Variants in FSTL5 observed in about 807,000 individuals in gnomAD.
FSTL5 encodes follistatin like 5.
A neutral mutation model predicts 89.1 loss-of-function variants in FSTL5; 62 were observed. That is an observed-to-expected ratio of 0.70 (90% CI 0.57 to 0.86). The LOEUF is 0.86. Ranked by LOEUF, FSTL5 falls within the 40% of genes least tolerant of loss-of-function variation. FSTL5 has a pLI of 0.00. For synonymous variants in FSTL5, 383 were observed against 346.2 expected (o/e 1.11, Z -1.18); for missense variants, 1,057 against 1,001.6 (o/e 1.06, Z -0.75).
chr4:161,792,266 C>A (rs1473323127), intron 4 of FSTL5, among the ~76,000 whole-genome samples: 1 of 152,094 alleles, frequency 6.6e-6, no homozygotes, highest in East Asian at 1.9e-4. Context: ...GGGCTTTGGA[C>A]AACAACAAGC....
At chr4:161,741,443 A>T (rs983123558) in intron 6 of FSTL5, among the ~76,000 whole-genome samples, 20 of 152,106 alleles carry the variant, frequency 1.3e-4, no homozygotes, top group Admixed American at 5.2e-4. Flanking sequence ...TGGCCTCTAG[A>T]AGCTGAACGC....
At chr4:161,783,756 C>T (rs1342350192) in intron 4 of FSTL5, among the ~76,000 whole-genome samples, 1 of 113,296 alleles carries the variant, frequency 8.8e-6, no homozygotes, top group Non-Finnish European at 1.8e-5. Context: ...TTCTTTCTTT[C>T]TTTCCTTCTT....
At chr4:162,009,977 T>C (rs1736714393) in intron 3 of FSTL5, among the ~76,000 whole-genome samples, 2 of 140,588 alleles carry the variant, frequency 1.4e-5, no homozygotes, top group Non-Finnish European at 3.2e-5. Context: ...TTGTTTGTTT[T>C]GTAAAAAAAA....
At chr4:161,900,341 T>C (rs1260652156) in intron 4 of FSTL5, among the ~76,000 whole-genome samples, 2 of 151,972 alleles carry the variant, frequency 1.3e-5, no homozygotes, top group Non-Finnish European at 2.9e-5. Flanking sequence ...AAGGAAGTGG[T>C]TAGTAACTCG....
intron 15 of FSTL5, among the ~76,000 whole-genome samples, chr4:161,420,781 T>G (rs1016923713): frequency 6.6e-6 from 1 of 150,626 alleles, no homozygotes; most frequent in Non-Finnish European, 1.5e-5. Context: ...GCATATATAT[T>G]TTCATGTATT....
intron 7 of FSTL5, among the ~76,000 whole-genome samples, chr4:161,654,371 A>G (rs1170627006): frequency 6.6e-6 from 1 of 152,174 alleles, no homozygotes; most frequent in Admixed American, 6.6e-5. Context: ...TGGCAGTAAA[A>G]AAAAGAAAAG....
intron 4 of FSTL5, among the ~76,000 whole-genome samples, chr4:161,813,216 A>G (rs1446697790): frequency 6.6e-6 from 1 of 152,016 alleles, no homozygotes; most frequent in Admixed American, 6.6e-5. Context: ...TTTTTAGTAC[A>G]GACGGGGTTT....
intron 13 of FSTL5, 49 bp downstream of exon 13, chr4:161,480,971 T>A (rs1452854949): frequency 7.7e-7 from 1 of 1,291,378 alleles, no homozygotes; most frequent in African/African-American, 1.5e-5. Flanking sequence ...TACAATGATA[T>A]AAATATTTTT....
intron 1 of FSTL5, among the ~76,000 whole-genome samples, chr4:162,159,326 T>C (rs1252635000): frequency 2.0e-5 from 3 of 152,216 alleles, no homozygotes; most frequent in South Asian, 4.1e-4. Context: ...TAAGTTTCTC[T>C]ATTACAATGT....
chr4:161,899,185 A>G (rs1225099002), intron 4 of FSTL5, among the ~76,000 whole-genome samples: 2 of 152,174 alleles, frequency 1.3e-5, no homozygotes, highest in East Asian at 3.9e-4. Flanking sequence ...TTTGTTTGAA[A>G]AAGAAGTTTT....
At chr4:161,570,890 C>T (rs932109975) in intron 8 of FSTL5, among the ~76,000 whole-genome samples, 4 of 151,936 alleles carry the variant, frequency 2.6e-5, no homozygotes, top group Admixed American at 1.3e-4. Context: ...CTGAGGCAGA[C>T]GGATCACGAG....
intron 4 of FSTL5, among the ~76,000 whole-genome samples, chr4:161,840,888 G>T (rs547579644): frequency 6.6e-6 from 1 of 152,152 alleles, no homozygotes; most frequent in Non-Finnish European, 1.5e-5. Context: ...GAAATCAAAG[G>T]AGGAGGGAGA....
At chr4:161,643,491 T>C (rs1005637778) in intron 7 of FSTL5, among the ~76,000 whole-genome samples, 1 of 152,164 alleles carries the variant, frequency 6.6e-6, no homozygotes, top group Non-Finnish European at 1.5e-5. Flanking sequence ...TTTCCCCTTT[T>C]CAGTCAGTAA....
chr4:161,714,515 C>A (rs1156857733), intron 6 of FSTL5, among the ~76,000 whole-genome samples: 3 of 152,134 alleles, frequency 2.0e-5, no homozygotes, highest in Admixed American at 6.5e-5. Context: ...TTTAACAAAT[C>A]TAATCCATTA....
intron 4 of FSTL5, among the ~76,000 whole-genome samples, chr4:161,911,535 A>C (rs182528405): frequency 6.6e-6 from 1 of 152,302 alleles, no homozygotes; most frequent in East Asian, 1.9e-4. Context: ...TGTACAAACT[A>C]CTAGAAATTC....
rs1008085465 is a variant in FSTL5 at position 162,084,903 on chromosome 4, C to T, written c.126+26368G>A. Among the ~76,000 whole-genome samples the T allele has an allele frequency of 5.3e-5, 8 of 151,832 alleles. No individual in the cohort carries two copies. The East Asian group carries it at 5.8e-4, about 11-fold the overall frequency. On this transcript the variant is annotated intron_variant, in intron 2 of 15. Transcript: ENST00000306100. ...AAACCTGCACATTCTGCATATGTACCCCAGAACTTAAAGTATAATAGAATG... is the reference window on the plus strand; with the variant it reads ...AAACCTGCACATTCTGCATATGTACTCCAGAACTTAAAGTATAATAGAATG...
At chr4:162,042,323 A>G (rs1737996213) in intron 2 of FSTL5, among the ~76,000 whole-genome samples, 1 of 152,164 alleles carries the variant, frequency 6.6e-6, no homozygotes, top group African/African-American at 2.4e-5. Context: ...AAGATCATGT[A>G]TGTTCAAATC....
intron 4 of FSTL5, among the ~76,000 whole-genome samples, chr4:161,903,402 C>CTT (rs957025083): frequency 3.9e-5 from 6 of 151,936 alleles, no homozygotes; most frequent in Non-Finnish European, 8.8e-5. Context: ...ATAAAAAACA[C>CTT]TTTTTTCATT....
chr4:161,795,414 G>A (rs1240279485), intron 4 of FSTL5, among the ~76,000 whole-genome samples: 1 of 152,012 alleles, frequency 6.6e-6, no homozygotes, highest in Non-Finnish European at 1.5e-5. Flanking sequence ...CTTCATGAGA[G>A]GAAGGCCCGG....
Sources: allele counts gnomAD v4.1 joint callset (sites outside exome capture counted in the v4.1 genomes callset), GRCh38; gene constraint gnomAD v4.1.1; transcripts MANE v1.5; gene names NCBI Gene and HGNC (gene_info 2026-07-23, HGNC 2026-07-21).